Variants in ETS2 observed in about 807,000 individuals in gnomAD.
ETS2 encodes protein C-ets-2.
A neutral mutation model predicts 54.9 loss-of-function variants in ETS2; 19 were observed. The observed-to-expected ratio is 0.35, with a 90% CI of 0.24 to 0.51. The LOEUF (loss-of-function observed/expected upper bound fraction) is 0.51. ETS2 is among the 20% of genes least tolerant of loss of function. ETS2 has a pLI of 0.97. For missense variants in ETS2, 417 were observed against 593.0 expected, an observed-to-expected ratio of 0.70 and a Z score of 3.08; for synonymous variants, 219 against 229.3, an observed-to-expected ratio of 0.95 and a Z score of 0.41.
Position 38,821,555 on chromosome 21 carries a change from G to T in ETS2, c.1076-31G>T, listed in dbSNP as rs1341670845. 1 of 1,429,168 alleles carries T rather than the reference G, an allele frequency of 7.0e-7. No individual in the cohort carries two copies. Among genetic ancestry groups the T allele is most frequent in the African/African-American group, 1.4e-5 (1 of 71,338 alleles). The allele number at this position is 1,429,168 out of a possible 1,614,324, so 88.5% of individuals were successfully genotyped here. A position where few individuals can be genotyped will look rare whatever the true frequency, so the allele number is the denominator to read the frequency against. On this transcript the variant is annotated intron_variant, in intron 8 of 9. Coordinates refer to ENST00000360938, the MANE Select transcript of ETS2 (RefSeq NM_005239.6). This position sits in a 1 kb window ranked among gnomAD's most constrained non-coding sequence, Gnocchi z 4.2. ...TGCTGTATTTTACATCTGTGAAAGG[G>T]TATGATCCGTCTCCCTCCCTCTCCC...
At chr21:38,805,228 G>A, upstream of ETS2, 3 of 800,022 alleles carry the variant, frequency 3.7e-6, no homozygotes, top group East Asian at 1.6e-4. This position sits in a 1 kb window ranked among gnomAD's most constrained non-coding sequence, Gnocchi z 5.2. Flanking sequence ...CGGGAGCAGC[G>A]CGATCAGCAC....
intron 2 of ETS2, among the ~76,000 whole-genome samples, chr21:38,811,001 C>T (rs1389262239): frequency 1.3e-5 from 2 of 152,208 alleles, no homozygotes; most frequent in East Asian, 1.9e-4. Context: ...ACATTTTAAG[C>T]ATGGCAGAAG....
rs2123428730 is a variant in ETS2, at chr21:38,823,740, G to A, written c.*851G>A. ...AATGTTATTATCTGGGCTTATATCT[G>A]GCCTCTGCTTTCTCCTTTAATTGTA... On this transcript the variant is annotated 3_prime_UTR_variant, in exon 10 of 10. Coordinates refer to ENST00000360938, the MANE Select transcript of ETS2 (RefSeq NM_005239.6). 1 of 152,620 alleles carries A rather than the reference G, an allele frequency of 6.6e-6. No homozygotes were observed. The highest frequency in any genetic ancestry group is 1.5e-5 in the Non-Finnish European group (1 of 68,012). 9.5% of individuals were successfully genotyped at this position (152,620 alleles called of 1,614,324 possible).
Position 38,814,854 on chromosome 21 carries a change from C to A in ETS2, c.378C>A (p.Asn126Lys), listed in dbSNP as rs773376571. The change falls in exon 5 of 10, where the codon AAC becomes AAA. Residue 126 changes from asparagine to lysine, a missense_variant. This residue lies in a region of ETS2 where 326 missense variants were observed against 426.1 expected (regional missense o/e 0.76). Transcript: ENST00000360938. This position sits in a 1 kb window ranked among gnomAD's most constrained non-coding sequence, Gnocchi z 4.2. ...CCACCAATGAGTTCAGTCTGGTGAACGTGAATCTGCAGAGGTTCGGCATGA... is the reference window on the plus strand; with the variant it reads ...CCACCAATGAGTTCAGTCTGGTGAAAGTGAATCTGCAGAGGTTCGGCATGA... The part of the protein sequence containing the change: ...LWATNEFSLV[N>K]VNLQRFGMNG... 1.9e-6 allele frequency: 3 copies of A among 1,614,136 alleles called. No homozygotes were observed. Among genetic ancestry groups the A allele is most frequent in the South Asian group, 1.1e-5 (1 of 91,074 alleles).
intron 7 of ETS2, 81 bp downstream of exon 7, chr21:38,818,727 A>G: frequency 3.3e-6 from 5 of 1,493,136 alleles, no homozygotes; most frequent in Non-Finnish European, 3.7e-6. Flanking sequence ...CTTAATAAAT[A>G]CTTCCTGGAT....
intron 1 of ETS2, chr21:38,809,658 C>A: frequency 4.6e-6 from 1 of 217,466 alleles, no homozygotes; most frequent in Non-Finnish European, 9.1e-6. Flanking sequence ...ACTGTACCCA[C>A]CCAAGCACTC....
Position 38,808,901 on chromosome 21 carries a change from C to G in ETS2, c.1-1134C>G, listed in dbSNP as rs556852830. On this transcript the variant is annotated intron_variant, in intron 1 of 9. Coordinates refer to ENST00000360938, the MANE Select transcript of ETS2 (RefSeq NM_005239.6). Reference sequence around the variant, plus strand: ...GAACCTGGGAGGGCAAGGAATCACCCTAGAGGTGAAGGCCATTCATCGGTG... The same window carrying G: ...GAACCTGGGAGGGCAAGGAATCACCGTAGAGGTGAAGGCCATTCATCGGTG... Among the ~76,000 whole-genome samples, 4 of 152,296 alleles carry G rather than the reference C, an allele frequency of 2.6e-5. No individual in the cohort carries two copies. In the East Asian group the frequency reaches 7.7e-4, roughly 29 times the overall value.
At chr21:38,820,507 C>G (rs1438081573) in intron 8 of ETS2, among the ~76,000 whole-genome samples, 1 of 151,600 alleles carries the variant, frequency 6.6e-6, no homozygotes, top group African/African-American at 2.4e-5. Flanking sequence ...TTATCGGTTT[C>G]ATTATTGGGA....
intron 6 of ETS2, among the ~76,000 whole-genome samples, chr21:38,818,078 C>A (rs1383954399): frequency 6.6e-6 from 1 of 152,206 alleles, no homozygotes; most frequent in Non-Finnish European, 1.5e-5. Context: ...TCACACAGTA[C>A]ATGACACGTC....
chr21:38,807,743 C>T (rs1018658996), intron 1 of ETS2, among the ~76,000 whole-genome samples: 20 of 152,194 alleles, frequency 1.3e-4, no homozygotes, highest in Non-Finnish European at 2.2e-4. Flanking sequence ...AGCTTTTCCA[C>T]TGCCTTCCAC....
rs994245544 is a variant in ETS2 at position 38,819,883 on chromosome 21, C to G, written c.1075+117C>G. The stretch of plus-strand genomic sequence containing the variant: ...TGTTTCTAAGCTAGGTACACCAGTG[C>G]TCTACACTCCATGTTTTATGCGTGG... On this transcript the variant is annotated intron_variant, in intron 8 of 9. Coordinates refer to ENST00000360938, the MANE Select transcript of ETS2 (RefSeq NM_005239.6). 23 of 945,576 alleles carry G rather than the reference C, an allele frequency of 2.4e-5. No homozygotes were observed. The African/African-American group carries it at 3.7e-4, about 15-fold the overall frequency. The allele number at this position is 945,576 out of a possible 1,614,324, so 58.6% of individuals were successfully genotyped here.
Position 38,805,953 on chromosome 21 carries a change from A to G in ETS2, c.-168A>G. The G allele has an allele frequency of 7.9e-7, 1 of 1,268,934 alleles. No homozygotes were observed. The highest frequency in any genetic ancestry group is 1.0e-6 in the Non-Finnish European group (1 of 981,136). 78.6% of individuals were successfully genotyped at this position (1,268,934 alleles called of 1,614,324 possible). On this transcript the variant is annotated 5_prime_UTR_variant, in exon 1 of 10. Transcript: ENST00000360938. The surrounding 1 kb of genome is among the most constrained non-coding windows in gnomAD (Gnocchi z 5.2). ...CGGTTACTTCCTCCAGAGACTGACG[A>G]GTGCGGTGTCGCTCCAGCTCAGAGC...
In ETS2 at chr21:38,806,545, G is replaced by A. The variant is rs2060893997; in HGVS notation, c.-1+425G>A. 1 of 985,386 alleles carries A rather than the reference G, an allele frequency of 1.0e-6. No homozygotes were observed. The highest frequency in any genetic ancestry group is 6.1e-5 in the Admixed American group (1 of 16,272). 61.0% of individuals were successfully genotyped at this position (985,386 alleles called of 1,614,324 possible). A position where few individuals can be genotyped will look rare whatever the true frequency, so the allele number is the denominator to read the frequency against. On this transcript the variant is annotated intron_variant, in intron 1 of 9. Coordinates refer to ENST00000360938, the MANE Select transcript of ETS2 (RefSeq NM_005239.6). This position sits in a 1 kb window ranked among gnomAD's most constrained non-coding sequence, Gnocchi z 4.3. The stretch of plus-strand genomic sequence containing the variant: ...GGGGGCACAGGAGAGCGTGTCCGAG[G>A]TGGCCTGGCGCCCCGGCTTTGAGGG...
At chr21:38,819,435 C>A (rs765898397) in intron 7 of ETS2, 68 bp from the exon 8 acceptor site, 41 of 1,468,740 alleles carry the variant, frequency 2.8e-5, no homozygotes, top group Non-Finnish European at 3.9e-5. Context: ...GTTGGTGATG[C>A]TATGGTCGTG....
In ETS2 at chr21:38,806,303, G is replaced by T; in HGVS notation, c.-1+183G>T. ...GGGCGCGCGTCTGAGTTCCGCGCCGGCTCGTTTTCCGGTTATGGAGTGGCC... is the reference window on the plus strand; with the variant it reads ...GGGCGCGCGTCTGAGTTCCGCGCCGTCTCGTTTTCCGGTTATGGAGTGGCC... On this transcript the variant is annotated intron_variant, in intron 1 of 9. Coordinates refer to ENST00000360938, the MANE Select transcript of ETS2 (RefSeq NM_005239.6). This position sits in a 1 kb window ranked among gnomAD's most constrained non-coding sequence, Gnocchi z 4.3. 1 of 947,960 alleles carries T rather than the reference G, an allele frequency of 1.1e-6. No individual in the cohort carries two copies. The highest frequency in any genetic ancestry group is 1.3e-6 in the Non-Finnish European group (1 of 795,662). 58.7% of individuals were successfully genotyped at this position (947,960 alleles called of 1,614,324 possible). A position where few individuals can be genotyped will look rare whatever the true frequency, so the allele number is the denominator to read the frequency against.
intron 5 of ETS2, among the ~76,000 whole-genome samples, 194 bp downstream of exon 5, chr21:38,815,175 AGTGTGTGT>A (rs3065531): frequency 1.1e-4 from 16 of 149,806 alleles, no homozygotes; most frequent in Non-Finnish European, 1.6e-4. Flanking sequence ...ACTTTATGTG[AGTGTGTGT>A]GTGTGTGTGT....
intron 1 of ETS2, among the ~76,000 whole-genome samples, chr21:38,808,656 G>C (rs1034454966): frequency 2.0e-5 from 3 of 151,520 alleles, no homozygotes; most frequent in African/African-American, 7.3e-5. Flanking sequence ...GGAAGGTCTG[G>C]TTTAGCCATA....
In ETS2 at chr21:38,819,484, G is replaced by T; in HGVS notation, c.812-19G>T. On this transcript the variant is annotated intron_variant, in intron 7 of 9. Coordinates refer to ENST00000360938, the MANE Select transcript of ETS2 (RefSeq NM_005239.6). ...GTGTCCTGGAGGAATCAAAGTATGT[G>T]TTTGGTTGTCTTTGCCAGGGACTCC... 6.2e-7 allele frequency: 1 copy of T among 1,612,898 alleles called. No individual in the cohort carries two copies. The highest frequency in any genetic ancestry group is 1.1e-5 in the South Asian group (1 of 91,062).
intron 8 of ETS2, among the ~76,000 whole-genome samples, chr21:38,820,969 T>C (rs549525481): frequency 5.9e-5 from 9 of 152,284 alleles, no homozygotes; most frequent in Non-Finnish European, 1.2e-4. Context: ...TAGTTCTAAA[T>C]GTCAATCGAG....
Sources: gnomAD v4.1 joint callset for allele counts (sites outside exome capture counted in the v4.1 genomes callset) on GRCh38, gnomAD v4.1.1 for gene constraint, gnomAD v4.1.1 regional missense constraint, Gnocchi (gnomAD v3.1) non-coding constraint, MANE v1.5 for transcripts, NCBI Gene and HGNC (gene_info 2026-07-23, HGNC 2026-07-21) for gene names.